The following HDAC11 variants were observed in gnomAD, a reference collection of about 807,000 sequenced individuals.
HDAC11 encodes histone deacetylase 11.
HDAC11 carries 23 observed loss-of-function variants against 41.1 expected under a neutral mutation model. The observed-to-expected ratio is 0.56, with a 90% confidence interval of 0.40 to 0.79. HDAC11 has a LOEUF of 0.79. Ranked by LOEUF, HDAC11 falls within the 30% of genes least tolerant of loss-of-function variation. The pLI, the probability that HDAC11 is intolerant of heterozygous loss-of-function variation, is 0.00. For synonymous variants in HDAC11, 187 were observed against 186.6 expected (o/e 1.00, Z -0.02); for missense variants, 402 against 477.3 (o/e 0.84, Z 1.47).
chr3:13,499,010 C>T (rs752011938), intron 5 of HDAC11, among the ~76,000 whole-genome samples: 3 of 151,900 alleles, frequency 2.0e-5, no homozygotes, highest in East Asian at 1.9e-4. Flanking sequence ...GTCAATACCA[C>T]CACCTTCTCA....
chr3:13,503,627 A>C (rs1702475332), intron 8 of HDAC11, among the ~76,000 whole-genome samples: 1 of 152,246 alleles, frequency 6.6e-6, no homozygotes, highest in African/African-American at 2.4e-5. Flanking sequence ...TCATCAATCA[A>C]AAGGCAGAGA....
chr3:13,500,470 G>GT (rs1287471851), intron 5 of HDAC11, among the ~76,000 whole-genome samples: 1 of 152,188 alleles, frequency 6.6e-6, no homozygotes, highest in Non-Finnish European at 1.5e-5. Flanking sequence ...TGAGCTATCT[G>GT]TTGCTTAGGG....
intron 3 of HDAC11, among the ~76,000 whole-genome samples, chr3:13,486,571 GTTTTTTTTTTTT>G (rs767002835): frequency 1.2e-5 from 1 of 83,046 alleles, no homozygotes; most frequent in Non-Finnish European, 2.2e-5. Context: ...ATGTAGAGGT[GTTTTTTTTTTTT>G]TTTTTTTTTT....
chr3:13,481,152 C>G, intron 1 of HDAC11, 94 bp from the exon 2 acceptor site: 6 of 1,336,842 alleles, frequency 4.5e-6, no homozygotes, highest in Non-Finnish European at 6.1e-6. Context: ...TGGTGCTGGG[C>G]AATGGCTGGT....
At chr3:13,498,467 G>T in intron 4 of HDAC11, 46 bp from the exon 5 acceptor site, 1 of 1,612,132 alleles carries the variant, frequency 6.2e-7, no homozygotes, top group South Asian at 1.1e-5. Context: ...TGAATGACTG[G>T]TGGATCGGCT....
At chr3:13,492,459 C>T (rs1377067219) in intron 3 of HDAC11, among the ~76,000 whole-genome samples, 2 of 152,212 alleles carry the variant, frequency 1.3e-5, no homozygotes, top group Admixed American at 6.5e-5. Flanking sequence ...AGATGCTAAT[C>T]GGGACAGTCT....
chr3:13,483,176 CTGAAGG>C (rs1483159123), intron 2 of HDAC11, among the ~76,000 whole-genome samples: 11 of 152,060 alleles, frequency 7.2e-5, no homozygotes, highest in African/African-American at 2.7e-4. Context: ...CCACCTGCTC[CTGAAGG>C]TTGTCTAGCA....
Position 13,500,787 on chromosome 3 carries a change from AAGG to A in HDAC11, c.488_489+1del, listed in dbSNP as rs2125010801. On this transcript the variant is annotated splice_donor_variant and coding_sequence_variant, in exon 6 of 10. Coordinates refer to ENST00000295757, the MANE Select transcript of HDAC11 (RefSeq NM_024827.4). LOFTEE classifies it high-confidence loss of function. ...CTATGCGGACATCACGCTCGCCATC[AAGG>A]TGTGTCTATGAGCAAGTGGGGTCTC... The A allele has an allele frequency of 1.9e-6, 3 of 1,564,674 alleles. No individual in the cohort carries two copies. The highest frequency in any genetic ancestry group is 2.6e-6 in the Non-Finnish European group (3 of 1,151,828).
intron 3 of HDAC11, among the ~76,000 whole-genome samples, chr3:13,496,323 G>C (rs1270029773): frequency 6.6e-6 from 1 of 152,220 alleles, no homozygotes; most frequent in East Asian, 1.9e-4. Flanking sequence ...GTGTGGCCTT[G>C]GGAAGATCCT....
intron 3 of HDAC11, among the ~76,000 whole-genome samples, chr3:13,484,071 T>G (rs1482872025): frequency 6.6e-6 from 1 of 151,732 alleles, no homozygotes; most frequent in African/African-American, 2.4e-5. Context: ...AATTATCCTG[T>G]CTCACCCTCC....
Position 13,502,086 on chromosome 3 carries a change from G to C in HDAC11, c.552+153G>C. The C allele has an allele frequency of 9.1e-6, 6 of 657,590 alleles. No homozygotes were observed. The highest frequency in any genetic ancestry group is 1.6e-5 in the Non-Finnish European group (6 of 376,328). 40.7% of individuals were successfully genotyped at this position (657,590 alleles called of 1,614,324 possible). Reference sequence around the variant, plus strand: ...GGCTACAAATGCAGGGTCTGTCTTTGTCACTCTGTCCAGGACAGCGGGTCC... The same window carrying C: ...GGCTACAAATGCAGGGTCTGTCTTTCTCACTCTGTCCAGGACAGCGGGTCC... On this transcript the variant is annotated intron_variant, in intron 7 of 9. Coordinates refer to ENST00000295757, the MANE Select transcript of HDAC11 (RefSeq NM_024827.4). The surrounding 1 kb of genome is among the most constrained non-coding windows in gnomAD (Gnocchi z 4.1).
intron 5 of HDAC11, among the ~76,000 whole-genome samples, chr3:13,498,821 T>G (rs1335222677): frequency 1.3e-5 from 2 of 151,832 alleles, no homozygotes; most frequent in Non-Finnish European, 2.9e-5. Flanking sequence ...CAGCCCCCTC[T>G]TTGCGTACTT....
At chr3:13,481,191 G>T in intron 1 of HDAC11, 55 bp from the exon 2 acceptor site, 1 of 1,570,120 alleles carries the variant, frequency 6.4e-7, no homozygotes. Context: ...TCGGGAGGGA[G>T]CTGCTTTCTG....
chr3:13,486,571 GTTT>G (rs767002835), intron 3 of HDAC11, among the ~76,000 whole-genome samples: 1,399 of 83,002 alleles, frequency 0.017, 9 homozygotes, highest in African/African-American at 0.038. Flanking sequence ...ATGTAGAGGT[GTTT>G]TTTTTTTTTT....
intron 4 of HDAC11, among the ~76,000 whole-genome samples, chr3:13,497,621 T>TA (rs1559378475): frequency 2.0e-4 from 31 of 152,036 alleles, no homozygotes; most frequent in Non-Finnish European, 3.1e-4. Context: ...TGTGGTTTTT[T>TA]TAAAAAAATG....
chr3:13,480,344 C>T lies in HDAC11; in HGVS notation c.-4C>T, dbSNP rs1015262314. On this transcript the variant is annotated 5_prime_UTR_variant, in exon 1 of 10. Coordinates refer to ENST00000295757, the MANE Select transcript of HDAC11 (RefSeq NM_024827.4). This position sits in a 1 kb window ranked among gnomAD's most constrained non-coding sequence, Gnocchi z 4.6. Reference sequence around the variant, plus strand: ...CGGCCAGCTTTGGGAGGGCCGGCCCCGGGATGTGAGTGCCGCGGGGCGAGG... The same window carrying T: ...CGGCCAGCTTTGGGAGGGCCGGCCCTGGGATGTGAGTGCCGCGGGGCGAGG... 2.9e-5 allele frequency: 35 copies of T among 1,219,272 alleles called. No homozygotes were observed. The East Asian group carries it at 1.1e-3, about 38-fold the overall frequency. The allele number at this position is 1,219,272 out of a possible 1,614,324, so 75.5% of individuals were successfully genotyped here.
intron 5 of HDAC11, among the ~76,000 whole-genome samples, chr3:13,500,140 G>A (rs562704518): frequency 2.0e-5 from 3 of 152,232 alleles, no homozygotes; most frequent in African/African-American, 4.8e-5. Flanking sequence ...ACTGTCTGAC[G>A]GAGCAGTTGT....
chr3:13,504,400 C>T (rs1444317848), intron 9 of HDAC11, 68 bp from the exon 10 acceptor site: 2 of 1,597,692 alleles, frequency 1.3e-6, no homozygotes, highest in African/African-American at 1.3e-5. Flanking sequence ...AGGGCTAGCC[C>T]TGCAGCAGGA....
At chr3:13,492,527 G>A (rs1701913878) in intron 3 of HDAC11, among the ~76,000 whole-genome samples, 1 of 152,112 alleles carries the variant, frequency 6.6e-6, no homozygotes, top group Admixed American at 6.5e-5. Context: ...TGGGCTCCAG[G>A]GGGCCCCAGG....
Sources: allele counts gnomAD v4.1 joint callset (sites outside exome capture counted in the v4.1 genomes callset), GRCh38; gene constraint gnomAD v4.1.1; non-coding constraint Gnocchi (gnomAD v3.1); transcripts MANE v1.5; gene names NCBI Gene and HGNC (gene_info 2026-07-23, HGNC 2026-07-21).